The following ALG14 variants were observed in gnomAD, a reference collection of about 807,000 sequenced individuals.
The protein encoded by ALG14 is ALG14 UDP-N-acetylglucosaminyltransferase subunit, also known as UDP-N-acetylglucosamine transferase subunit ALG14.
In ALG14, 17 loss-of-function variants were observed where a neutral mutation model predicts 22.8. The ratio of observed to expected loss-of-function variants is 0.75; its 90% CI spans 0.51 to 1.12. ALG14 has a LOEUF of 1.12. Among genes scored for constraint, ALG14 ranks in the 50% most tolerant of loss-of-function variants. ALG14 has a pLI of 0.00. For missense variants in ALG14, 288 were observed against 271.8 expected (o/e 1.06, Z -0.42); for synonymous variants, 89 against 103.7 (o/e 0.86, Z 0.86).
rs140167346 is a variant in ALG14 at position 95,042,104 on chromosome 1, A to C, written c.289-14844T>G. Reference sequence around the variant, plus strand: ...CCCACTGGGGCTTGTATCTCTTCTTAGTTTTGTTTCTAAAAAATAGCTGTT... The same window carrying C: ...CCCACTGGGGCTTGTATCTCTTCTTCGTTTTGTTTCTAAAAAATAGCTGTT... On this transcript the variant is annotated intron_variant, in intron 2 of 3. Transcript: ENST00000370205. Among the ~76,000 whole-genome samples, 1,186 of 152,264 alleles carry C rather than the reference A, an allele frequency of 7.8e-3. 11 individuals are homozygous for C. The highest frequency in any genetic ancestry group is 0.026 in the African/African-American group (1,094 of 41,566).
chr1:94,997,958 G>A (rs1340332779), intron 3 of ALG14, among the ~76,000 whole-genome samples: 1 of 152,132 alleles, frequency 6.6e-6, no homozygotes, highest in Non-Finnish European at 1.5e-5. Flanking sequence ...CTGGGCCACA[G>A]TCCAGGCATC....
chr1:94,990,525 A>T (rs1202341034), intron 3 of ALG14, among the ~76,000 whole-genome samples: 7 of 152,208 alleles, frequency 4.6e-5, no homozygotes, highest in Non-Finnish European at 1.0e-4. Flanking sequence ...ATTTTCAGAG[A>T]TGTCATCATT....
intron 2 of ALG14, among the ~76,000 whole-genome samples, chr1:95,033,912 T>C (rs1161751721): frequency 6.6e-6 from 1 of 152,204 alleles, no homozygotes. Context: ...GATCCTTTCA[T>C]TCTCCTGCTT....
At chr1:95,003,656 T>C (rs1673128262) in intron 3 of ALG14, among the ~76,000 whole-genome samples, 1 of 151,990 alleles carries the variant, frequency 6.6e-6, no homozygotes, top group African/African-American at 2.4e-5. Context: ...GATGAGGTCT[T>C]GCTATGTTGC....
At chr1:95,011,598 C>A (rs945409047) in intron 3 of ALG14, among the ~76,000 whole-genome samples, 8 of 151,782 alleles carry the variant, frequency 5.3e-5, no homozygotes, top group Admixed American at 4.6e-4. Context: ...GCTAATTTTT[C>A]TTGTATTTTT....
intron 2 of ALG14, among the ~76,000 whole-genome samples, chr1:95,037,675 C>A (rs780602614): frequency 6.6e-6 from 1 of 152,174 alleles, no homozygotes; most frequent in Non-Finnish European, 1.5e-5. Flanking sequence ...TTGTTCAAGC[C>A]AATTTTAAGC....
intron 2 of ALG14, among the ~76,000 whole-genome samples, chr1:95,039,781 A>G (rs1400267489): frequency 1.3e-5 from 2 of 152,136 alleles, no homozygotes; most frequent in Non-Finnish European, 2.9e-5. Flanking sequence ...GATAATATTC[A>G]GGAATCTGGA....
intron 1 of ALG14, among the ~76,000 whole-genome samples, chr1:95,069,588 TAG>T (rs34374146): frequency 6.6e-6 from 1 of 152,054 alleles, no homozygotes; most frequent in African/African-American, 2.4e-5. Context: ...ACATTGGAGA[TAG>T]AGGCCTTTGT....
chr1:95,039,255 G>T (rs538124824), intron 2 of ALG14, among the ~76,000 whole-genome samples: 72 of 152,290 alleles, frequency 4.7e-4, no homozygotes, highest in African/African-American at 1.5e-3. Flanking sequence ...AATGGAGTTG[G>T]AGCGGAATAA....
chr1:95,045,588 G>A (rs1674519697), intron 2 of ALG14, among the ~76,000 whole-genome samples: 1 of 151,668 alleles, frequency 6.6e-6, no homozygotes, highest in South Asian at 2.1e-4. Flanking sequence ...CATTGTATTA[G>A]TATACTAATT....
intron 3 of ALG14, among the ~76,000 whole-genome samples, chr1:95,015,397 A>G (rs950666016): frequency 1.3e-5 from 2 of 152,200 alleles, no homozygotes; most frequent in Admixed American, 6.5e-5. Context: ...AGTACTCACA[A>G]TCTAATTTGG....
chr1:95,031,690 C>T (rs548451747), intron 2 of ALG14, among the ~76,000 whole-genome samples: 1 of 152,166 alleles, frequency 6.6e-6, no homozygotes, highest in South Asian at 2.1e-4. Context: ...ATATTCTTCC[C>T]TCCTCCATCA....
intron 2 of ALG14, among the ~76,000 whole-genome samples, chr1:95,051,074 T>C (rs889767648): frequency 2.0e-5 from 3 of 152,032 alleles, no homozygotes; most frequent in African/African-American, 7.2e-5. Context: ...TTACCTACCA[T>C]CACCTATACA....
rs562004594 is a variant in ALG14 at position 95,072,529 on chromosome 1, A to G, written c.136+234T>C. 1.2e-4 allele frequency among the ~76,000 whole-genome samples: 19 copies of G among 152,284 alleles called. 1 individual carries two copies. In the South Asian group the frequency reaches 3.9e-3, roughly 32 times the overall value. On this transcript the variant is annotated intron_variant, in intron 1 of 3. Coordinates refer to ENST00000370205, the MANE Select transcript of ALG14 (RefSeq NM_144988.4). Reference sequence around the variant, plus strand: ...TGTTTGAAAAATATACGCTACAGAGAGTCTTAATTATAGACAAGTGTAAAT... The same window carrying G: ...TGTTTGAAAAATATACGCTACAGAGGGTCTTAATTATAGACAAGTGTAAAT...
intron 2 of ALG14, among the ~76,000 whole-genome samples, chr1:95,034,304 A>G (rs1003548245): frequency 2.6e-5 from 4 of 152,206 alleles, no homozygotes; most frequent in African/African-American, 9.7e-5. Flanking sequence ...ATTTATGTGT[A>G]TATGTGATTG....
intron 3 of ALG14, among the ~76,000 whole-genome samples, chr1:95,020,567 T>C (rs1376614849): frequency 7.2e-5 from 11 of 151,856 alleles, no homozygotes. Context: ...GGAGAAACCC[T>C]GTCTCTACTA....
chr1:95,046,376 G>A (rs1176080142), intron 2 of ALG14, among the ~76,000 whole-genome samples: 1 of 152,204 alleles, frequency 6.6e-6, no homozygotes, highest in South Asian at 2.1e-4. Flanking sequence ...TCTTAGAAGT[G>A]CGAACCCTAT....
chr1:95,065,730 C>T (rs1300699239), intron 1 of ALG14, among the ~76,000 whole-genome samples: 3 of 152,118 alleles, frequency 2.0e-5, no homozygotes, highest in African/African-American at 7.2e-5. Flanking sequence ...CCACTGTAAC[C>T]CCAGCTCCTA....
intron 3 of ALG14, among the ~76,000 whole-genome samples, chr1:94,988,511 C>G (rs1004764825): frequency 2.6e-5 from 4 of 152,038 alleles, no homozygotes; most frequent in African/African-American, 9.7e-5. Context: ...AAATACAGGG[C>G]AGGGGAAAAG....
Sources: allele counts gnomAD v4.1 joint callset (sites outside exome capture counted in the v4.1 genomes callset), GRCh38; gene constraint gnomAD v4.1.1; transcripts MANE v1.5; gene names NCBI Gene and HGNC (gene_info 2026-07-23, HGNC 2026-07-21).